EXD1: variants seen among roughly 807,000 people sequenced by gnomAD.
The protein encoded by EXD1 is piRNA biogenesis protein EXD1.
A neutral mutation model predicts 49.1 loss-of-function variants in EXD1; 63 were observed. That is an observed-to-expected ratio of 1.28 (90% CI 1.05 to 1.58). The LOEUF is 1.58. Ranked by LOEUF, EXD1 falls within the 40% of genes most tolerant of loss-of-function variation. EXD1 has a pLI of 0.00. For synonymous variants in EXD1, 234 were observed against 239.2 expected, an observed-to-expected ratio of 0.98 and a Z score of 0.20; for missense variants, 748 against 666.0, an observed-to-expected ratio of 1.12 and a Z score of -1.36.
At chr15:41,213,928 C>G (rs971609112) in intron 6 of EXD1, among the ~76,000 whole-genome samples, 2 of 152,084 alleles carry the variant, frequency 1.3e-5, no homozygotes, top group Non-Finnish European at 2.9e-5. Flanking sequence ...TAATAAAAAT[C>G]TTCTGTTCAG....
In EXD1 at chr15:41,196,591, C is replaced by T. The variant is rs1031448570; in HGVS notation, c.535-554G>A. ...TTGGCCTCCCAAAGTGCTGGGATTA[C>T]ATGTGTGAGCGTCCATGTCCAGTGA... On this transcript the variant is annotated intron_variant, in intron 7 of 11. Coordinates refer to ENST00000458580, the MANE Select transcript of EXD1 (RefSeq NM_001286441.2). Among the ~76,000 whole-genome samples the T allele has an allele frequency of 3.3e-5, 5 of 151,572 alleles. No homozygotes were observed. In the East Asian group the frequency reaches 9.7e-4, roughly 30 times the overall value.
chr15:41,224,205 T>C (rs1595461349), intron 2 of EXD1, among the ~76,000 whole-genome samples: 1 of 152,232 alleles, frequency 6.6e-6, no homozygotes, highest in African/African-American at 2.4e-5. Context: ...CCTAAAGTGC[T>C]GGGATTACAG....
In EXD1 at chr15:41,230,734, C is replaced by T. The variant is rs916053866; in HGVS notation, c.-309G>A. The T allele has an allele frequency of 1.3e-4, 80 of 610,676 alleles. No individual in the cohort carries two copies. Among genetic ancestry groups the T allele is most frequent in the Admixed American group, 3.7e-4 (12 of 32,694 alleles). 37.8% of individuals were successfully genotyped at this position (610,676 alleles called of 1,614,324 possible). ...CACACGCCGCAGAGGCGACGCCCGC[C>T]CGGCCCAACGTCCAGTCTCGTCTGT... On this transcript the variant is annotated 5_prime_UTR_variant, in exon 1 of 12. Transcript: ENST00000458580.
intron 7 of EXD1, among the ~76,000 whole-genome samples, chr15:41,208,429 T>A (rs1011269507): frequency 6.8e-6 from 1 of 147,676 alleles, no homozygotes; most frequent in African/African-American, 2.5e-5. Context: ...ATCCATCCTC[T>A]AGCTATTCTT....
rs181775055 is a variant in EXD1 at position 41,192,942 on chromosome 15, G to A, written c.721-1357C>T. Among the ~76,000 whole-genome samples, 624 of 151,744 alleles carry A rather than the reference G, an allele frequency of 4.1e-3. 5 individuals are homozygous for A. The highest frequency in any genetic ancestry group is 0.015 in the African/African-American group (602 of 41,378). ...TCTCCAAGTAGCTGGGACTACAGGC[G>A]CCCGCCACCACGCCCAGCTAATTTT... is the stretch of plus-strand genomic sequence containing the variant. On this transcript the variant is annotated intron_variant, in intron 9 of 11. Coordinates refer to ENST00000458580, the MANE Select transcript of EXD1 (RefSeq NM_001286441.2).
chr15:41,184,338 G>A lies in EXD1; in HGVS notation c.1312C>T (p.Leu438=), dbSNP rs748700036. ...TGTTTATTCAAAGATTCTTCTTTCA[G>A]TAAATTCACATCCCCGTGAAAGTCT... ...SQDFHGDVNL[L]KEESLNKQAT... is the part of the protein sequence containing the mutation. The change falls in exon 12 of 12, where the codon CTG becomes TTG. Residue 438 remains leucine, a synonymous_variant. Coordinates refer to ENST00000458580, the MANE Select transcript of EXD1 (RefSeq NM_001286441.2). 7 of 1,614,040 alleles carry A rather than the reference G, an allele frequency of 4.3e-6. No homozygotes were observed. The highest frequency in any genetic ancestry group is 3.3e-5 in the Admixed American group (2 of 59,980).
At chr15:41,205,476 GGTATAAAGA>G (rs1393645736) in intron 7 of EXD1, among the ~76,000 whole-genome samples, 2 of 152,098 alleles carry the variant, frequency 1.3e-5, no homozygotes, top group African/African-American at 4.8e-5. Context: ...CTTAGTCATA[GGTATAAAGA>G]AAACAAAGTT....
rs1404012413 is a variant in EXD1, at chr15:41,195,919, G to A, written c.639+14C>T. ...GCTAATCTTAATAGCACAGGAATCA[G>A]TTTATATACTTACCTTCAAAATTCT... On this transcript the variant is annotated intron_variant, in intron 8 of 11. Transcript: ENST00000458580. 2 of 1,610,156 alleles carry A rather than the reference G, an allele frequency of 1.2e-6. No individual in the cohort carries two copies. The highest frequency in any genetic ancestry group is 1.3e-5 in the African/African-American group (1 of 74,766).
At chr15:41,213,620 TC>T (rs1317474901) in intron 6 of EXD1, among the ~76,000 whole-genome samples, 2 of 152,008 alleles carry the variant, frequency 1.3e-5, no homozygotes, top group Non-Finnish European at 2.9e-5. Context: ...CCACTCAGCC[TC>T]CCCAGTAACT....
At chr15:41,226,096 C>T (rs1020130046) in intron 2 of EXD1, among the ~76,000 whole-genome samples, 5 of 150,292 alleles carry the variant, frequency 3.3e-5, no homozygotes, top group African/African-American at 1.2e-4. Flanking sequence ...ACTAAAAATA[C>T]AAAAAATTTG....
At chr15:41,203,814 G>A (rs1280188692) in intron 7 of EXD1, among the ~76,000 whole-genome samples, 1 of 145,890 alleles carries the variant, frequency 6.9e-6, no homozygotes, top group Non-Finnish European at 1.5e-5. Context: ...GTACTTGGGA[G>A]CCTGAGACAG....
chr15:41,227,432 G>A (rs1247360727), intron 1 of EXD1, among the ~76,000 whole-genome samples: 2 of 152,144 alleles, frequency 1.3e-5, no homozygotes, highest in Non-Finnish European at 2.9e-5. Flanking sequence ...CACTTTGGGA[G>A]GCCGAGGTGG....
chr15:41,216,387 T>C (rs1328939583), intron 5 of EXD1, among the ~76,000 whole-genome samples: 1 of 151,328 alleles, frequency 6.6e-6, no homozygotes, highest in Non-Finnish European at 1.5e-5. Flanking sequence ...ATCACAACAC[T>C]TTAGGAGGCC....
At chr15:41,201,106 T>TC (rs2046722102) in intron 7 of EXD1, among the ~76,000 whole-genome samples, 1 of 152,024 alleles carries the variant, frequency 6.6e-6, no homozygotes, top group Non-Finnish European at 1.5e-5. Flanking sequence ...GCTCCTAACC[T>TC]CAGGTGATCT....
At chr15:41,193,547 T>C (rs1436398774) in intron 9 of EXD1, among the ~76,000 whole-genome samples, 2 of 152,082 alleles carry the variant, frequency 1.3e-5, no homozygotes, top group Non-Finnish European at 2.9e-5. Context: ...AAGACCAGCC[T>C]GGACAATATA....
intron 11 of EXD1, among the ~76,000 whole-genome samples, chr15:41,185,719 C>T (rs948392352): frequency 6.6e-6 from 1 of 152,006 alleles, no homozygotes; most frequent in Non-Finnish European, 1.5e-5. Context: ...CAGGGTTTCA[C>T]TATGCTGGCC....
At position 41,184,725 on chromosome 15, in the gene EXD1, G is replaced by A. The variant is rs2046381409; in HGVS notation, c.1057-132C>T. 8.8e-6 allele frequency: 8 copies of A among 913,512 alleles called. No homozygotes were observed. The South Asian group carries it at 1.4e-4, about 16-fold the overall frequency. 56.6% of individuals were successfully genotyped at this position (913,512 alleles called of 1,614,324 possible). On this transcript the variant is annotated intron_variant, in intron 11 of 11. Coordinates refer to ENST00000458580, the MANE Select transcript of EXD1 (RefSeq NM_001286441.2). ...GCTGAAGTGCAGTGGCACGATCTCG[G>A]CTCACTGCAAGCTCTGCCTCCTGGG...
At chr15:41,194,260 C>G (rs1215270520) in intron 9 of EXD1, among the ~76,000 whole-genome samples, 1 of 152,078 alleles carries the variant, frequency 6.6e-6, no homozygotes, top group African/African-American at 2.4e-5. Context: ...ATCTGCCCAC[C>G]TTGGCCTCCC....
chr15:41,200,913 C>T (rs1011742830), intron 7 of EXD1, among the ~76,000 whole-genome samples: 1 of 150,644 alleles, frequency 6.6e-6, no homozygotes, highest in African/African-American at 2.5e-5. Flanking sequence ...CTTGCTCTGT[C>T]GCCAGGCTGA....
Sources: gnomAD v4.1 joint callset for allele counts (sites outside exome capture counted in the v4.1 genomes callset) on GRCh38, gnomAD v4.1.1 for gene constraint, MANE v1.5 for transcripts, NCBI Gene and HGNC (gene_info 2026-07-23, HGNC 2026-07-21) for gene names.